Variants in VPS53 observed in about 807,000 individuals in gnomAD.
The protein encoded by VPS53 is vacuolar protein sorting-associated protein 53 homolog.
In VPS53, 70 loss-of-function variants were observed where a neutral mutation model predicts 107.0. The ratio of observed to expected loss-of-function variants is 0.65; its 90% CI spans 0.54 to 0.80. The LOEUF is 0.80. Ranked by LOEUF, VPS53 falls within the 30% of genes least tolerant of loss-of-function variation. VPS53 has a pLI of 0.00. For missense variants in VPS53, 917 were observed against 1,049.4 expected (o/e 0.87, Z 1.74); for synonymous variants, 409 against 393.3 (o/e 1.04, Z -0.47).
intron 4 of VPS53, among the ~76,000 whole-genome samples, chr17:693,677 T>C (rs1237580273): frequency 6.6e-6 from 1 of 152,180 alleles, no homozygotes; most frequent in Non-Finnish European, 1.5e-5. Flanking sequence ...AAGGTTACCG[T>C]GAAAAATGAT....
At chr17:631,497 G>T in intron 8 of VPS53, 53 bp downstream of exon 8, 1 of 1,573,770 alleles carries the variant, frequency 6.4e-7, no homozygotes, top group Non-Finnish European at 8.7e-7. Context: ...GTGAGCGTGA[G>T]CTCGGCAAGG....
intron 14 of VPS53, among the ~76,000 whole-genome samples, chr17:561,896 CTA>C (rs1913035024): frequency 2.6e-5 from 4 of 152,210 alleles, no homozygotes; most frequent in African/African-American, 9.6e-5. Flanking sequence ...GCCCCCAATC[CTA>C]CCGCATCTTC....
chr17:657,129 G>A (rs1333763291), intron 5 of VPS53: 3 of 1,270,392 alleles, frequency 2.4e-6, no homozygotes, highest in Non-Finnish European at 3.5e-6. Flanking sequence ...ACCTTGATGA[G>A]GGGTCAGGGT....
intron 4 of VPS53, among the ~76,000 whole-genome samples, chr17:662,645 C>T (rs1187900520): frequency 1.3e-5 from 2 of 150,300 alleles, no homozygotes; most frequent in Non-Finnish European, 3.0e-5. Flanking sequence ...GCCGAAATTG[C>T]GCCACTGCAC....
intron 7 of VPS53, among the ~76,000 whole-genome samples, chr17:651,569 T>C (rs576274767): frequency 7.2e-5 from 11 of 152,140 alleles, no homozygotes; most frequent in Non-Finnish European, 1.6e-4. Context: ...CCATCCTGGG[T>C]GACAGAGTGA....
rs1424483152 is a variant in VPS53 at position 530,142 on chromosome 17, TC to T, written c.2085+2699del. Reference sequence around the variant, plus strand: ...GCCAGCAACCTTGCTAAATTTATATTCTTTTTTTTTTTTTTTTTTTGAGACG... The same window carrying T: ...GCCAGCAACCTTGCTAAATTTATATTTTTTTTTTTTTTTTTTTTTGAGACG... On this transcript the variant is annotated intron_variant, in intron 19 of 21. Transcript: ENST00000437048. Among the ~76,000 whole-genome samples the T allele has an allele frequency of 1.2e-4, 17 of 147,054 alleles. No individual in the cohort carries two copies. The East Asian group carries it at 2.8e-3, about 24-fold the overall frequency.
At chr17:635,054 T>C (rs1970135461) in intron 7 of VPS53, among the ~76,000 whole-genome samples, 1 of 152,194 alleles carries the variant, frequency 6.6e-6, no homozygotes, top group South Asian at 2.1e-4. Context: ...CTCTCCAGCA[T>C]CTGTTGTTTC....
chr17:630,763 T>C (rs888370288), intron 8 of VPS53, among the ~76,000 whole-genome samples: 5 of 152,244 alleles, frequency 3.3e-5, no homozygotes, highest in Non-Finnish European at 7.3e-5. Flanking sequence ...AATGAATGTA[T>C]GTCCCCATCT....
Position 677,238 on chromosome 17 carries a change from T to C in VPS53, c.286-15343A>G, listed in dbSNP as rs552889310. Among the ~76,000 whole-genome samples the C allele has an allele frequency of 3.9e-5, 6 of 152,210 alleles. No individual in the cohort carries two copies. The South Asian group carries it at 1.2e-3, about 32-fold the overall frequency. On this transcript the variant is annotated intron_variant, in intron 4 of 21. Transcript: ENST00000437048. ...AGATGAATGGATACACACAATGTGG[T>C]GGAACTACACCACGGAATATTATTC...
Position 517,167 on chromosome 17 carries a change from C to T in VPS53, c.*1961G>A, listed in dbSNP as rs1269934824. On this transcript the variant is annotated 3_prime_UTR_variant, in exon 22 of 22. Transcript: ENST00000437048. Reference sequence around the variant, plus strand: ...GCTTCCTGGGGGCTCTCCCGACTGCCGCCCCCCGCCCTTGTCTTATTTGGA... The same window carrying T: ...GCTTCCTGGGGGCTCTCCCGACTGCTGCCCCCCGCCCTTGTCTTATTTGGA... 9.7e-6 allele frequency: 3 copies of T among 309,632 alleles called. No individual in the cohort carries two copies. Among genetic ancestry groups the T allele is most frequent in the South Asian group, 1.6e-4 (1 of 6,204 alleles). The allele number at this position is 309,632 out of a possible 1,614,324, so 19.2% of individuals were successfully genotyped here. A position where few individuals can be genotyped will look rare whatever the true frequency, so the allele number is the denominator to read the frequency against.
At chr17:629,807 A>AC (rs1370174767) in intron 8 of VPS53, among the ~76,000 whole-genome samples, 1,445 of 58,826 alleles carry the variant, frequency 0.025, 9 homozygotes, top group Middle Eastern at 0.065. Flanking sequence ...ACAAAAAAAA[A>AC]ACCACACACA....
rs1913112456 is a variant in VPS53, at chr17:562,533, G to A, written c.1526C>T (p.Ala509Val). The change falls in exon 14 of 22, where the codon GCC becomes GTC. Residue 509 changes from alanine to valine, a missense_variant. Physicochemically the swap from Ala to Val is moderately conservative, Grantham distance 64. Transcript: ENST00000437048. Reference protein sequence around the residue: ...TIFQKYLREYAWKILSGNLPK... With the variant: ...TIFQKYLREYVWKILSGNLPK... ...CAGGTTGCCAGAGAGGATTTTCCAG[G>A]CGTATTCTCGGAGGTACTTCTGGAA... 4 of 1,614,034 alleles carry A rather than the reference G, an allele frequency of 2.5e-6. No individual in the cohort carries two copies. The highest frequency in any genetic ancestry group is 3.4e-6 in the Non-Finnish European group (4 of 1,180,008).
chr17:678,453 A>G (rs573568518), intron 4 of VPS53, among the ~76,000 whole-genome samples: 306 of 151,896 alleles, frequency 2.0e-3, no homozygotes, highest in African/African-American at 6.9e-3. Flanking sequence ...CCATAAAAAT[A>G]AAAACAATAA....
chr17:671,918 A>T (rs946773685), intron 4 of VPS53, among the ~76,000 whole-genome samples: 2 of 151,888 alleles, frequency 1.3e-5, no homozygotes, highest in Admixed American at 6.6e-5. Flanking sequence ...CCATCTCCTG[A>T]CCTCATGACC....
intron 2 of VPS53, among the ~76,000 whole-genome samples, chr17:707,558 A>G (rs1164946171): frequency 6.6e-6 from 1 of 151,446 alleles, no homozygotes; most frequent in Non-Finnish European, 1.5e-5. Flanking sequence ...GTTCTGTGAA[A>G]AATATTTGGG....
At chr17:556,960 G>A (rs56385816) in intron 15 of VPS53, among the ~76,000 whole-genome samples, 8,938 of 151,892 alleles carry the variant, frequency 0.059, 438 homozygotes, top group South Asian at 0.19. Flanking sequence ...ATACTGAAGC[G>A]GGGACCTGAG....
chr17:633,513 A>G (rs1007357984), intron 7 of VPS53, among the ~76,000 whole-genome samples: 2 of 152,208 alleles, frequency 1.3e-5, no homozygotes, highest in East Asian at 1.9e-4. Context: ...CAACCTGCTG[A>G]GATTTTTTTT....
intron 5 of VPS53, chr17:656,738 A>T: frequency 2.7e-6 from 2 of 748,944 alleles, no homozygotes; most frequent in Non-Finnish European, 4.5e-6. Flanking sequence ...GTGTTTTATC[A>T]TGCCACATTA....
chr17:695,136 G>A (rs185336898), intron 4 of VPS53, among the ~76,000 whole-genome samples: 147 of 152,318 alleles, frequency 9.7e-4, no homozygotes, highest in Admixed American at 2.5e-3. Context: ...AGTCAAGGGA[G>A]ACCCCAAAAG....
Sources: allele counts gnomAD v4.1 joint callset (sites outside exome capture counted in the v4.1 genomes callset), GRCh38; gene constraint gnomAD v4.1.1; transcripts MANE v1.5; gene names NCBI Gene and HGNC (gene_info 2026-07-23, HGNC 2026-07-21).